MYO9A: variants seen among roughly 807,000 people sequenced by gnomAD.
MYO9A encodes the protein unconventional myosin-IXa.
In MYO9A, 103 loss-of-function variants were observed where a neutral mutation model predicts 293.3. The observed-to-expected ratio is 0.35, with a 90% confidence interval of 0.30 to 0.41. The LOEUF (loss-of-function observed/expected upper bound fraction) is 0.41, where lower values mean the gene tolerates loss of function less well. Ranked by LOEUF, MYO9A falls within the 10% of genes least tolerant of loss-of-function variation. The probability of loss-of-function intolerance (pLI) is 1.00; values close to 1 mark genes in which losing one functional copy is unlikely to be tolerated. For missense variants in MYO9A, 2,685 were observed against 3,033.0 expected (o/e 0.89, Z 2.69); for synonymous variants, 1,001 against 1,035.7 (o/e 0.97, Z 0.64).
In MYO9A at chr15:71,978,957, A is replaced by C. The variant is rs534066655; in HGVS notation, c.1723-665T>G. Among the ~76,000 whole-genome samples, 6 of 151,480 alleles carry C rather than the reference A, an allele frequency of 4.0e-5. No individual in the cohort carries two copies. In the South Asian group the frequency reaches 1.2e-3, roughly 31 times the overall value. On this transcript the variant is annotated intron_variant, in intron 11 of 41. Coordinates refer to ENST00000356056, the MANE Select transcript of MYO9A (RefSeq NM_006901.4). ...CTTTCACTTTTTAGATGGTTTTTTT[A>C]AGGAAAAAATGCACCTGAGAATGTA...
At chr15:71,837,230 A>C (rs1177055217) in intron 39 of MYO9A, among the ~76,000 whole-genome samples, 1 of 152,078 alleles carries the variant, frequency 6.6e-6, no homozygotes. Context: ...TTCTAAGGGC[A>C]TTCAGGCTAA....
chr15:72,003,036 G>A (rs562026464), intron 8 of MYO9A, among the ~76,000 whole-genome samples: 14 of 152,178 alleles, frequency 9.2e-5, no homozygotes, highest in South Asian at 2.1e-4. Context: ...TTGGGAGACC[G>A]AGGCGGGAGG....
chr15:72,077,026 C>A (rs1265330935), intron 1 of MYO9A, among the ~76,000 whole-genome samples: 3 of 147,698 alleles, frequency 2.0e-5, no homozygotes, highest in South Asian at 2.1e-4. Flanking sequence ...CAACTACATC[C>A]AAAAAAAAAA....
Position 72,031,359 on chromosome 15 carries a change from G to A in MYO9A, c.935+1135C>T, listed in dbSNP as rs181996042. On this transcript the variant is annotated intron_variant, in intron 3 of 41. Transcript: ENST00000356056. ...AAATTAGCCAGGTATGGTGGTACAC[G>A]CCTGTAGTCCCAGCTACTCTAGAGG... Among the ~76,000 whole-genome samples the A allele has an allele frequency of 1.0e-3, 158 of 152,198 alleles. 2 individuals are homozygous for A. Among genetic ancestry groups the A allele is most frequent in the Admixed American group, 9.7e-3 (148 of 15,284 alleles).
intron 18 of MYO9A, among the ~76,000 whole-genome samples, chr15:71,919,056 A>G (rs1416237079): frequency 1.3e-5 from 2 of 152,358 alleles, no homozygotes; most frequent in South Asian, 4.1e-4. Context: ...TATGTCAATT[A>G]CATGTCACTT....
intron 19 of MYO9A, among the ~76,000 whole-genome samples, chr15:71,910,068 C>A (rs2057785626): frequency 6.8e-6 from 1 of 146,602 alleles, no homozygotes; most frequent in African/African-American, 2.5e-5. Flanking sequence ...AACTAAAGCC[C>A]CAATTTTATA....
At chr15:72,041,735 C>G (rs1390563202) in intron 2 of MYO9A, 2 of 160,544 alleles carry the variant, frequency 1.2e-5, no homozygotes, top group Admixed American at 6.4e-5. Flanking sequence ...CTGCACAGGT[C>G]CCCTACAGCT....
In MYO9A at chr15:71,954,765, T is replaced by C. The variant is rs1056142828; in HGVS notation, c.2183-2869A>G. Among the ~76,000 whole-genome samples, 7 of 152,202 alleles carry C rather than the reference T, an allele frequency of 4.6e-5. No individual in the cohort carries two copies. In the East Asian group the frequency reaches 1.3e-3, roughly 29 times the overall value. On this transcript the variant is annotated intron_variant, in intron 14 of 41. Transcript: ENST00000356056. ...GGACCAGCAATTTTCAATAATTTTT[T>C]TAGTGACAGAAAAGTTCCATAACTT... is the stretch of plus-strand genomic sequence containing the variant.
chr15:71,869,377 G>A (rs2056436819), intron 32 of MYO9A, among the ~76,000 whole-genome samples: 1 of 152,060 alleles, frequency 6.6e-6, no homozygotes, highest in Non-Finnish European at 1.5e-5. Context: ...ATCTAATCAT[G>A]AGGAAATATA....
intron 3 of MYO9A, among the ~76,000 whole-genome samples, chr15:72,029,874 T>TA (rs1309690739): frequency 6.6e-6 from 1 of 152,186 alleles, no homozygotes; most frequent in African/African-American, 2.4e-5. Flanking sequence ...ACAAACCTCT[T>TA]AGAGGCCAGA....
At chr15:72,113,999 TA>T (rs1355815269) in intron 1 of MYO9A, among the ~76,000 whole-genome samples, 2 of 152,078 alleles carry the variant, frequency 1.3e-5, no homozygotes, top group East Asian at 3.8e-4. Flanking sequence ...AGCTATGACA[TA>T]GGGGGAAAAA....
intron 6 of MYO9A, among the ~76,000 whole-genome samples, chr15:72,012,284 T>C (rs372912743): frequency 6.6e-6 from 1 of 152,258 alleles, no homozygotes; most frequent in East Asian, 1.9e-4. Context: ...GACATGCCAA[T>C]GTCCTACTCA....
intron 14 of MYO9A, among the ~76,000 whole-genome samples, chr15:71,957,397 C>G (rs2059228930): frequency 1.3e-5 from 2 of 151,966 alleles, no homozygotes; most frequent in South Asian, 4.1e-4. Context: ...GGTCCTTACC[C>G]CACCATTTCA....
Position 71,902,997 on chromosome 15 carries a change from C to T in MYO9A, c.2944G>A (p.Asp982Asn). 1 of 1,586,568 alleles carries T rather than the reference C, an allele frequency of 6.3e-7. No homozygotes were observed. Among genetic ancestry groups the T allele is most frequent in the Non-Finnish European group, 8.6e-7 (1 of 1,159,120 alleles). ...TTAAGATTTATTTTCCTGAAGAAATCCTGAATGTTAAATTTGGATGGAATA... is the reference window on the plus strand; with the variant it reads ...TTAAGATTTATTTTCCTGAAGAAATTCTGAATGTTAAATTTGGATGGAATA... ...NIIPSKFNIQ[D>N]FFRKINLNPD... The change falls in exon 22 of 42, where the codon GAT becomes AAT. Residue 982 changes from aspartate (D) to asparagine (N), a missense_variant. Physicochemically the swap from Asp to Asn is conservative, Grantham distance 23. This residue lies in a region of MYO9A where 1,434 missense variants were observed against 1,497.7 expected (regional missense o/e 0.96). Coordinates refer to ENST00000356056, the MANE Select transcript of MYO9A (RefSeq NM_006901.4).
chr15:71,867,005 C>T (rs1031720059), intron 32 of MYO9A, among the ~76,000 whole-genome samples: 6 of 151,616 alleles, frequency 4.0e-5, no homozygotes, highest in East Asian at 3.9e-4. Context: ...TGTGGTGAGC[C>T]GAGATTGCAC....
At chr15:72,017,163 G>C (rs146921657) in intron 6 of MYO9A, among the ~76,000 whole-genome samples, 1 of 151,830 alleles carries the variant, frequency 6.6e-6, no homozygotes, top group Non-Finnish European at 1.5e-5. Flanking sequence ...TGGAACTACA[G>C]GCGTGTATCA....
At chr15:72,110,106 C>A (rs1168481245) in intron 1 of MYO9A, among the ~76,000 whole-genome samples, 3 of 150,732 alleles carry the variant, frequency 2.0e-5, no homozygotes, top group Non-Finnish European at 4.4e-5. Flanking sequence ...CCAGCCTGGG[C>A]AATACAGTGA....
chr15:71,859,396 C>T (rs1567204343), intron 34 of MYO9A, among the ~76,000 whole-genome samples: 3 of 152,118 alleles, frequency 2.0e-5, no homozygotes, highest in Non-Finnish European at 4.4e-5. Flanking sequence ...TTAATTGTAG[C>T]TTACTGCATT....
At chr15:72,013,795 T>A (rs963377351) in intron 6 of MYO9A, among the ~76,000 whole-genome samples, 1 of 152,204 alleles carries the variant, frequency 6.6e-6, no homozygotes, top group Non-Finnish European at 1.5e-5. Context: ...TAAGAAATCA[T>A]ACTATCTTGT....
Sources: allele counts gnomAD v4.1 joint callset (sites outside exome capture counted in the v4.1 genomes callset), GRCh38; gene constraint gnomAD v4.1.1; regional missense constraint gnomAD v4.1.1; transcripts MANE v1.5; gene names NCBI Gene and HGNC (gene_info 2026-07-23, HGNC 2026-07-21).